Variants in HYCC1 observed in about 807,000 individuals in gnomAD.
The protein encoded by HYCC1 is hyccin.
the HYCC1 span, chr7:22,945,664 T>C: frequency 6.2e-7 from 1 of 1,613,822 alleles, no homozygotes; most frequent in Non-Finnish European, 8.5e-7. Flanking sequence ...GAAGTTCAGT[T>C]CTTTCTGAAA....
the HYCC1 span, among the ~76,000 whole-genome samples, chr7:22,929,423 C>A: frequency 2.0e-5 from 3 of 151,954 alleles, no homozygotes; most frequent in East Asian, 3.9e-4. Context: ...AATGGGAGAA[C>A]ATTTTTGCAA....
At chr7:22,923,194 T>C in the HYCC1 span, among the ~76,000 whole-genome samples, 1 of 152,158 alleles carries the variant, frequency 6.6e-6, no homozygotes. Context: ...TAAAAGGACA[T>C]ACATAATACA....
At chr7:22,954,013 C>T in the HYCC1 span, among the ~76,000 whole-genome samples, 1 of 151,520 alleles carries the variant, frequency 6.6e-6, no homozygotes, top group African/African-American at 2.4e-5. Flanking sequence ...ATAGACAATT[C>T]TGTAAAGTTT....
chr7:22,959,759 A>G, the HYCC1 span, among the ~76,000 whole-genome samples: 1 of 152,204 alleles, frequency 6.6e-6, no homozygotes, highest in African/African-American at 2.4e-5. Flanking sequence ...ACACATACAC[A>G]GAATCTTGAA....
At chr7:22,903,434 A>G in the HYCC1 span, among the ~76,000 whole-genome samples, 1 of 152,196 alleles carries the variant, frequency 6.6e-6, no homozygotes, top group South Asian at 2.1e-4. Flanking sequence ...GAATATTATG[A>G]AAAACCTTAT....
At chr7:22,947,169 C>G in the HYCC1 span, 2 of 1,550,274 alleles carry the variant, frequency 1.3e-6, no homozygotes, top group Non-Finnish European at 1.7e-6. Context: ...GGTTCTCTCT[C>G]CGGCCACATT....
chr7:22,897,135 G>A, the HYCC1 span, among the ~76,000 whole-genome samples: 2 of 152,180 alleles, frequency 1.3e-5, no homozygotes, highest in African/African-American at 4.8e-5. Context: ...ACATCTTGGG[G>A]AGAGACAGCG....
At chr7:22,953,007 T>C in the HYCC1 span, among the ~76,000 whole-genome samples, 8 of 151,984 alleles carry the variant, frequency 5.3e-5, no homozygotes, top group Non-Finnish European at 1.0e-4. Flanking sequence ...ATCAGCAGTT[T>C]CCATAAGAGA....
the HYCC1 span, among the ~76,000 whole-genome samples, chr7:22,910,371 C>T: frequency 6.6e-6 from 1 of 152,180 alleles, no homozygotes; most frequent in Non-Finnish European, 1.5e-5. Flanking sequence ...TCCCCCTTCA[C>T]CTTTCACCAT....
chr7:22,995,670 T>C, the HYCC1 span, among the ~76,000 whole-genome samples: 4 of 152,140 alleles, frequency 2.6e-5, no homozygotes, highest in Middle Eastern at 3.4e-3. Context: ...AATGATTAAA[T>C]AAATAAGAGA....
the HYCC1 span, among the ~76,000 whole-genome samples, chr7:22,953,903 A>G: frequency 3.9e-5 from 6 of 151,910 alleles, no homozygotes; most frequent in East Asian, 1.9e-4. Context: ...ACTGCCAGAT[A>G]ATTTTTTATT....
At chr7:22,983,328 C>CAA in the HYCC1 span, among the ~76,000 whole-genome samples, 632 of 111,182 alleles carry the variant, frequency 5.7e-3, 2 homozygotes, top group African/African-American at 0.016. Context: ...GACCCTGTCT[C>CAA]AAAAAAAAAA....
At chr7:22,979,456 G>A in the HYCC1 span, among the ~76,000 whole-genome samples, 1 of 152,158 alleles carries the variant, frequency 6.6e-6, no homozygotes, top group African/African-American at 2.4e-5. Flanking sequence ...AAAACAGAGG[G>A]GCAGGAGGTA....
the HYCC1 span, among the ~76,000 whole-genome samples, chr7:22,901,003 T>C: frequency 6.6e-6 from 1 of 152,034 alleles, no homozygotes; most frequent in Non-Finnish European, 1.5e-5. Flanking sequence ...GCAGATTCCT[T>C]GAGCCCAGGA....
At chr7:22,958,576 T>C in the HYCC1 span, among the ~76,000 whole-genome samples, 5 of 152,124 alleles carry the variant, frequency 3.3e-5, no homozygotes, top group Non-Finnish European at 7.4e-5. Flanking sequence ...AAATACAATC[T>C]GGAAGATATG....
At chr7:22,996,718 A>G in the HYCC1 span, among the ~76,000 whole-genome samples, 9 of 152,050 alleles carry the variant, frequency 5.9e-5, no homozygotes, top group Non-Finnish European at 8.8e-5. Flanking sequence ...ACTGGCCACA[A>G]AATGATTTAA....
chr7:22,896,426 A>G, the HYCC1 span, among the ~76,000 whole-genome samples: 1 of 152,244 alleles, frequency 6.6e-6, no homozygotes, highest in Non-Finnish European at 1.5e-5. Context: ...GAGACAGGGT[A>G]CACAGTTCTG....
the HYCC1 span, among the ~76,000 whole-genome samples, chr7:22,930,911 A>G: frequency 6.6e-6 from 1 of 152,160 alleles, no homozygotes; most frequent in Non-Finnish European, 1.5e-5. Flanking sequence ...ACTTACAGAG[A>G]AAACATCTGA....
chr7:22,914,274 G>A, the HYCC1 span, among the ~76,000 whole-genome samples: 3 of 152,262 alleles, frequency 2.0e-5, no homozygotes, highest in Non-Finnish European at 2.9e-5. Flanking sequence ...GGGGACGCCC[G>A]CTTTGGCTGC....
Sources: allele counts gnomAD v4.1 joint callset (sites outside exome capture counted in the v4.1 genomes callset), GRCh38; gene constraint gnomAD v4.1.1; transcripts MANE v1.5; gene names NCBI Gene and HGNC (gene_info 2026-07-23, HGNC 2026-07-21).